RNF6: variants seen among roughly 807,000 people sequenced by gnomAD.
RNF6 encodes the protein ring finger protein 6, also known as E3 ubiquitin-protein ligase RNF6.
A neutral mutation model predicts 50.1 loss-of-function variants in RNF6; 21 were observed. The observed-to-expected ratio is 0.42, with a 90% CI of 0.30 to 0.60. The LOEUF (loss-of-function observed/expected upper bound fraction) is 0.60, where lower values mean the gene tolerates loss of function less well. Ranked by LOEUF, RNF6 falls within the 20% of genes least tolerant of loss-of-function variation. RNF6 has a pLI of 0.20. For synonymous variants in RNF6, 255 were observed against 291.8 expected (o/e 0.87, Z 1.29); for missense variants, 698 against 838.2 (o/e 0.83, Z 2.07).
At chr13:26,151,021 C>A (rs562053001) in intron 5 of RNF6, 1 of 152,250 alleles carries the variant, frequency 6.6e-6, no homozygotes, top group South Asian at 2.1e-4. Context: ...TGGCTCAGGG[C>A]ATGAAGACAA....
At chr13:26,215,730 A>G in intron 4 of RNF6, 138 bp from the exon 5 acceptor site, 3 of 727,082 alleles carry the variant, frequency 4.1e-6, no homozygotes, top group Non-Finnish European at 6.4e-6. Flanking sequence ...GATGGCAAAA[A>G]GACAACTTTC....
chr13:26,181,637 T>C (rs1007164228), intron 5 of RNF6, among the ~76,000 whole-genome samples: 6 of 152,182 alleles, frequency 3.9e-5, no homozygotes, highest in Non-Finnish European at 8.8e-5. Context: ...GGTATGTCTC[T>C]GTATCTTGGA....
chr13:26,203,779 G>A (rs1409487100), intron 5 of RNF6, among the ~76,000 whole-genome samples: 1 of 152,164 alleles, frequency 6.6e-6, no homozygotes, highest in Non-Finnish European at 1.5e-5. Context: ...GGCTAACACA[G>A]TGAAACCTCA....
chr13:26,135,919 C>T (rs1870625923), intron 5 of RNF6, among the ~76,000 whole-genome samples: 1 of 152,188 alleles, frequency 6.6e-6, no homozygotes. Context: ...ATGTGATATG[C>T]TGGCTCCCCT....
chr13:26,166,560 A>G (rs546433227), intron 5 of RNF6, among the ~76,000 whole-genome samples: 1 of 152,274 alleles, frequency 6.6e-6, no homozygotes, highest in East Asian at 1.9e-4. Context: ...TACACCAACA[A>G]CAGCCAAGCT....
At chr13:26,216,975 A>C (rs1220589217) in intron 4 of RNF6, among the ~76,000 whole-genome samples, 1 of 152,110 alleles carries the variant, frequency 6.6e-6, no homozygotes, top group African/African-American at 2.4e-5. Context: ...TAAACAAATA[A>C]ATAAAATAGC....
intron 5 of RNF6, among the ~76,000 whole-genome samples, chr13:26,164,305 G>C (rs931747129): frequency 2.6e-5 from 4 of 152,134 alleles, no homozygotes; most frequent in African/African-American, 9.7e-5. Context: ...ATATAGGCTA[G>C]AGCCACCAAC....
chr13:26,151,951 A>G (rs1593151331), intron 5 of RNF6, among the ~76,000 whole-genome samples: 1 of 152,246 alleles, frequency 6.6e-6, no homozygotes, highest in East Asian at 1.9e-4. Context: ...GCAAGGCACC[A>G]GAGCTGTTCA....
intron 5 of RNF6, among the ~76,000 whole-genome samples, chr13:26,201,604 T>C (rs1397189932): frequency 6.6e-6 from 1 of 152,196 alleles, no homozygotes; most frequent in Non-Finnish European, 1.5e-5. Flanking sequence ...TTTGATTCAA[T>C]TCTACATTAG....
chr13:26,176,915 C>T lies in RNF6; in HGVS notation n.768+38559G>A, dbSNP rs1483263719. On this transcript the variant is annotated intron_variant and non_coding_transcript_variant, in intron 5 of 5. Coordinates refer to the RNF6 transcript ENST00000468480. ...CGCGATTGCACTCCAGCCTGGGAGA[C>T]AGAGTGAGACTCGGTCTCAAAAAAA... Among the ~76,000 whole-genome samples, 13 of 152,306 alleles carry T rather than the reference C, an allele frequency of 8.5e-5. 1 individual carries two copies. Among genetic ancestry groups the T allele is most frequent in the Non-Finnish European group, 1.8e-4 (12 of 68,042 alleles).
chr13:26,199,984 C>T (rs1868832069), intron 5 of RNF6, among the ~76,000 whole-genome samples: 1 of 152,134 alleles, frequency 6.6e-6, no homozygotes, highest in Non-Finnish European at 1.5e-5. Flanking sequence ...CCCCTTCCAC[C>T]CTGTGGAAGA....
chr13:26,181,307 A>G (rs1338874153), intron 5 of RNF6, among the ~76,000 whole-genome samples: 1 of 152,216 alleles, frequency 6.6e-6, no homozygotes, highest in Admixed American at 6.5e-5. Flanking sequence ...AAGGAAAAAG[A>G]ATGGTTGGGA....
At chr13:26,216,311 C>T (rs1480251369) in intron 4 of RNF6, among the ~76,000 whole-genome samples, 3 of 152,128 alleles carry the variant, frequency 2.0e-5, no homozygotes, top group Non-Finnish European at 2.9e-5. Flanking sequence ...ATATCTGGCA[C>T]ATAAAAAGCC....
intron 3 of RNF6, among the ~76,000 whole-genome samples, chr13:26,219,075 TG>T (rs1340150749): frequency 6.6e-6 from 1 of 152,148 alleles, no homozygotes; most frequent in East Asian, 1.9e-4. Context: ...CATTGGGCTT[TG>T]GGGGGAGCTA....
rs561135466 is a variant in RNF6 at position 26,164,065 on chromosome 13, C to A, written n.769-31614G>T. On this transcript the variant is annotated intron_variant and non_coding_transcript_variant, in intron 5 of 5. Transcript: ENST00000468480. ...AAAAATTCGATTTGTATGTTTTAAT[C>A]GAAAAGAAAATAAATTAAGCCTAAT... Among the ~76,000 whole-genome samples, 5 of 152,188 alleles carry A rather than the reference C, an allele frequency of 3.3e-5. No homozygotes were observed. The East Asian group carries it at 5.8e-4, about 18-fold the overall frequency.
downstream of RNF6, among the ~76,000 whole-genome samples, chr13:26,208,989 T>C (rs1210360913): frequency 6.6e-6 from 1 of 152,210 alleles, no homozygotes; most frequent in Non-Finnish European, 1.5e-5. Flanking sequence ...ACCTAAAGGT[T>C]GTGAGGACCA....
At chr13:26,202,812 C>T (rs1416459741) in intron 5 of RNF6, among the ~76,000 whole-genome samples, 2 of 152,156 alleles carry the variant, frequency 1.3e-5, no homozygotes, top group African/African-American at 4.8e-5. Context: ...AAACCATGAA[C>T]AAAAGTACCT....
chr13:26,146,222 C>G (rs1343722568), intron 5 of RNF6, among the ~76,000 whole-genome samples: 1 of 152,176 alleles, frequency 6.6e-6, no homozygotes, highest in African/African-American at 2.4e-5. Flanking sequence ...TATACTGGGT[C>G]CTTTCTCAAG....
At position 26,212,895 on chromosome 13, in the gene RNF6, A is replaced by C. The variant is rs1271190862; in HGVS notation, c.*929T>G. On this transcript the variant is annotated 3_prime_UTR_variant, in exon 5 of 5. Transcript: ENST00000381588. ...ACTGGAGATTTTTAGCCTCCAAGTG[A>C]ACTTAACATATTGCCTATGCATCTG... The C allele has an allele frequency of 6.6e-6, 1 of 152,442 alleles. No individual in the cohort carries two copies. The highest frequency in any genetic ancestry group is 2.4e-5 in the African/African-American group (1 of 41,378). The allele number at this position is 152,442 out of a possible 1,614,324, so 9.4% of individuals were successfully genotyped here.
Sources: allele counts gnomAD v4.1 joint callset (sites outside exome capture counted in the v4.1 genomes callset), GRCh38; gene constraint gnomAD v4.1.1; transcripts MANE v1.5; gene names NCBI Gene and HGNC (gene_info 2026-07-23, HGNC 2026-07-21).